The following SUSD5 variants were observed in gnomAD, a reference collection of about 807,000 sequenced individuals.
SUSD5 encodes sushi domain containing 5, also known as sushi domain-containing protein 5.
Under a neutral mutation model 29.5 loss-of-function variants are expected in SUSD5, and 33 were observed. That is an observed-to-expected ratio of 1.12 (90% confidence interval 0.85 to 1.49). The LOEUF (loss-of-function observed/expected upper bound fraction) is 1.49. Among genes scored for constraint, SUSD5 ranks in the 40% most tolerant of loss-of-function variants. The pLI is 0.00. For synonymous variants in SUSD5, 308 were observed against 325.3 expected (o/e 0.95, Z 0.57); for missense variants, 776 against 800.6 (o/e 0.97, Z 0.37).
chr3:33,179,315 G>C (rs2031621835), intron 3 of SUSD5, among the ~76,000 whole-genome samples: 1 of 151,962 alleles, frequency 6.6e-6, no homozygotes, highest in African/African-American at 2.4e-5. Flanking sequence ...TGACCTATGA[G>C]CCTTCAGAAA....
chr3:33,186,224 C>T (rs143368360), intron 3 of SUSD5, among the ~76,000 whole-genome samples: 1 of 151,472 alleles, frequency 6.6e-6, no homozygotes. Flanking sequence ...ATGGCGTGAA[C>T]CCGGGAGGTG....
At chr3:33,186,671 C>T (rs559005206) in intron 3 of SUSD5, among the ~76,000 whole-genome samples, 87 of 152,164 alleles carry the variant, frequency 5.7e-4, no homozygotes, top group African/African-American at 1.9e-3. Context: ...GTGACCTGCC[C>T]GCCTCGGCCT....
intron 3 of SUSD5, among the ~76,000 whole-genome samples, chr3:33,207,445 C>T (rs1182510464): frequency 3.3e-5 from 5 of 152,142 alleles, no homozygotes; most frequent in Non-Finnish European, 7.3e-5. Context: ...ATTTATATCT[C>T]CTGAAGCAAC....
intron 4 of SUSD5, among the ~76,000 whole-genome samples, chr3:33,172,351 A>G (rs1301496540): frequency 2.6e-5 from 4 of 152,252 alleles, no homozygotes; most frequent in African/African-American, 7.2e-5. Context: ...ACTGCATTGC[A>G]GTGGGAACAT....
At chr3:33,162,315 A>G (rs781595141) in intron 4 of SUSD5, among the ~76,000 whole-genome samples, 13 of 152,214 alleles carry the variant, frequency 8.5e-5, no homozygotes, top group Non-Finnish European at 1.6e-4. Context: ...GCTCGGGGGA[A>G]GTTATACCTT....
intron 3 of SUSD5, among the ~76,000 whole-genome samples, chr3:33,186,085 T>C (rs943571192): frequency 1.6e-4 from 25 of 152,108 alleles, no homozygotes; most frequent in Admixed American, 1.5e-3. Context: ...GGGCGGATCA[T>C]GAGGTCAGGA....
Position 33,156,981 on chromosome 3 carries a change from A to G in SUSD5, c.599-2948T>C, listed in dbSNP as rs1168446326. Among the ~76,000 whole-genome samples the G allele has an allele frequency of 2.6e-5, 4 of 152,338 alleles. No homozygotes were observed. The East Asian group carries it at 7.7e-4, about 29-fold the overall frequency. ...TTTATGCTTAGAAAAGGACAGCCCA[A>G]TCACACCCCATTGTGTCCTGTTCAT... On this transcript the variant is annotated intron_variant, in intron 4 of 4. Coordinates refer to ENST00000309558, the MANE Select transcript of SUSD5 (RefSeq NM_015551.2).
intron 3 of SUSD5, 81 bp from the exon 4 acceptor site, chr3:33,175,155 A>T: frequency 1.4e-6 from 2 of 1,436,746 alleles, no homozygotes; most frequent in Admixed American, 2.0e-5. Flanking sequence ...TTAAAACACA[A>T]CTCTCCCCTG....
At chr3:33,170,072 C>T (rs2031392929) in intron 4 of SUSD5, among the ~76,000 whole-genome samples, 1 of 152,128 alleles carries the variant, frequency 6.6e-6, no homozygotes, top group African/African-American at 2.4e-5. Context: ...CGCAATGCCA[C>T]CACGCCCAGC....
intron 3 of SUSD5, 71 bp from the exon 4 acceptor site, chr3:33,175,145 T>G: frequency 2.0e-6 from 3 of 1,528,252 alleles, no homozygotes; most frequent in East Asian, 2.3e-5. Context: ...GAAAACAGAC[T>G]TAAAACACAA....
chr3:33,197,901 G>C (rs2125628871), intron 3 of SUSD5, among the ~76,000 whole-genome samples: 1 of 151,854 alleles, frequency 6.6e-6, no homozygotes, highest in South Asian at 2.1e-4. Context: ...TCCAGTTTTG[G>C]GCTTTTATGA....
intron 3 of SUSD5, among the ~76,000 whole-genome samples, chr3:33,203,462 T>G (rs2032157140): frequency 6.6e-6 from 1 of 152,216 alleles, no homozygotes; most frequent in Non-Finnish European, 1.5e-5. Flanking sequence ...CTTTGCCCTG[T>G]GCAGCTCTTG....
Position 33,214,103 on chromosome 3 carries a change from T to A in SUSD5, c.115A>T (p.Lys39Ter). 6.3e-7 allele frequency: 1 copy of A among 1,595,558 alleles called. No homozygotes were observed. The highest frequency in any genetic ancestry group is 8.5e-7 in the Non-Finnish European group (1 of 1,172,104). The change falls in exon 2 of 5, where the codon AAG becomes TAG. Residue 39 changes from lysine to a stop codon, truncating the protein, a stop_gained and splice_region_variant. Coordinates refer to ENST00000309558, the MANE Select transcript of SUSD5 (RefSeq NM_015551.2). LOFTEE classifies it high-confidence loss of function. Reference sequence around the variant, plus strand: ...TTCTGAGACTCCAGCACAAAGAACTTTCCTGTGTGGGAACAAGAACAAACA... The same window carrying A: ...TTCTGAGACTCCAGCACAAAGAACTATCCTGTGTGGGAACAAGAACAAACA... ...LPRLSVRADG[K>*]FFVLESQNGS...
intron 3 of SUSD5, 70 bp downstream of exon 3, chr3:33,207,738 G>C: frequency 9.5e-7 from 1 of 1,053,830 alleles, no homozygotes; most frequent in Non-Finnish European, 1.4e-6. Flanking sequence ...TTCTTCTAGA[G>C]AAACCAACCT....
chr3:33,172,180 AACACACACACACACACAC>A (rs10576154), intron 4 of SUSD5, among the ~76,000 whole-genome samples: 42 of 148,562 alleles, frequency 2.8e-4, no homozygotes, highest in African/African-American at 7.5e-4. Flanking sequence ...ACTCTTGTAA[AACACACACACACACACAC>A]ACACACACAC....
In SUSD5 at chr3:33,153,925, C is replaced by A; in HGVS notation, c.707G>T (p.Gly236Val). 6.2e-7 allele frequency: 1 copy of A among 1,613,928 alleles called. No individual in the cohort carries two copies. Among genetic ancestry groups the A allele is most frequent in the Non-Finnish European group, 8.5e-7 (1 of 1,179,884 alleles). Residue 236 changes from glycine (G) to valine (V), a missense_variant, in exon 5 of 5, where the codon GGT becomes GTT. Coordinates refer to ENST00000309558, the MANE Select transcript of SUSD5 (RefSeq NM_015551.2). ...DSRTEADEDR[G>V]QGDSSEEAPK... is the part of the protein sequence containing the mutation. The stretch of plus-strand genomic sequence containing the variant: ...AGCCTCCTCAGAGGAGTCTCCCTGA[C>A]CCCTGTCCTCATCTGCCTCTGTCCG...
chr3:33,177,720 A>C (rs1328700597), intron 3 of SUSD5, among the ~76,000 whole-genome samples: 1 of 152,012 alleles, frequency 6.6e-6, no homozygotes, highest in African/African-American at 2.4e-5. Context: ...TTGCTGGTCC[A>C]CAGGAAAGTG....
intron 3 of SUSD5, among the ~76,000 whole-genome samples, chr3:33,184,254 T>C (rs988861091): frequency 3.3e-5 from 5 of 152,186 alleles, no homozygotes; most frequent in African/African-American, 1.2e-4. Flanking sequence ...ACTGTCTTCT[T>C]TCTTGCATGG....
Position 33,167,519 on chromosome 3 carries a change from G to A in SUSD5, c.598+7367C>T, listed in dbSNP as rs933563240. On this transcript the variant is annotated intron_variant, in intron 4 of 4. Transcript: ENST00000309558. This position sits in a 1 kb window ranked among gnomAD's most constrained non-coding sequence, Gnocchi z 4.1. Reference sequence around the variant, plus strand: ...AGGTTCTGCCTCCAGAGCTCCCTGAGGCTACAGCAACCCTGGGCAGAAGCC... The same window carrying A: ...AGGTTCTGCCTCCAGAGCTCCCTGAAGCTACAGCAACCCTGGGCAGAAGCC... 2.0e-5 allele frequency among the ~76,000 whole-genome samples: 3 copies of A among 152,048 alleles called. No individual in the cohort carries two copies. The highest frequency in any genetic ancestry group is 7.2e-5 in the African/African-American group (3 of 41,422).
Sources: gnomAD v4.1 joint callset for allele counts (sites outside exome capture counted in the v4.1 genomes callset) on GRCh38, gnomAD v4.1.1 for gene constraint, Gnocchi (gnomAD v3.1) non-coding constraint, MANE v1.5 for transcripts, NCBI Gene and HGNC (gene_info 2026-07-23, HGNC 2026-07-21) for gene names.